Variants in RNF40 observed in about 807,000 individuals in gnomAD.
The protein encoded by RNF40 is E3 ubiquitin-protein ligase BRE1B.
A neutral mutation model predicts 123.3 loss-of-function variants in RNF40; 39 were observed. The observed-to-expected ratio is 0.32, with a 90% CI of 0.24 to 0.41. RNF40 has a LOEUF of 0.41. Ranked by LOEUF, RNF40 falls within the 10% of genes least tolerant of loss-of-function variation. The pLI is 1.00. For synonymous variants in RNF40, 538 were observed against 526.0 expected (o/e 1.02, Z -0.31); for missense variants, 1,003 against 1,319.9 (o/e 0.76, Z 3.72).
At chr16:30,769,831 C>T (rs2054114976) in intron 17 of RNF40, among the ~76,000 whole-genome samples, 1 of 152,208 alleles carries the variant, frequency 6.6e-6, no homozygotes, top group Non-Finnish European at 1.5e-5. Flanking sequence ...GGCGTGGTGG[C>T]TCACGTCTGT....
At position 30,766,895 on chromosome 16, in the gene RNF40, G is replaced by A; in HGVS notation, c.1429+19G>A. On this transcript the variant is annotated intron_variant, in intron 11 of 19. Coordinates refer to ENST00000324685, the MANE Select transcript of RNF40 (RefSeq NM_014771.4). This position sits in a 1 kb window ranked among gnomAD's most constrained non-coding sequence, Gnocchi z 5.4. The stretch of plus-strand genomic sequence containing the variant: ...CAGGCGGGTATGTGGTGAGGATAGG[G>A]CGGAGGTGGGGCCTTATCTGGGAGT... 1 of 1,610,128 alleles carries A rather than the reference G, an allele frequency of 6.2e-7. No homozygotes were observed. Among genetic ancestry groups the A allele is most frequent in the Non-Finnish European group, 8.5e-7 (1 of 1,178,452 alleles).
At chr16:30,761,698 C>T, upstream of RNF40, 1 of 1,534,996 alleles carries the variant, frequency 6.5e-7, no homozygotes, top group Non-Finnish European at 8.7e-7. Context: ...GATGTTCAAG[C>T]TCCGACTGCA....
At chr16:30,769,130 C>A in intron 15 of RNF40, 56 bp from the exon 16 acceptor site, 1 of 1,600,920 alleles carries the variant, frequency 6.2e-7, no homozygotes, top group Non-Finnish European at 8.6e-7. Context: ...ATGGTTCCCC[C>A]ACAGCCATCC....
In RNF40 at chr16:30,771,494, A is replaced by G. The variant is rs529366277; in HGVS notation, c.2587-339A>G. Reference sequence around the variant, plus strand: ...TAGCTGGGTGTGGTGGTGGGCGCCTATAGTCCCAGCTACTCGGGAGGCTGA... The same window carrying G: ...TAGCTGGGTGTGGTGGTGGGCGCCTGTAGTCCCAGCTACTCGGGAGGCTGA... On this transcript the variant is annotated intron_variant, in intron 17 of 19. Coordinates refer to ENST00000324685, the MANE Select transcript of RNF40 (RefSeq NM_014771.4). Among the ~76,000 whole-genome samples the G allele has an allele frequency of 1.3e-4, 20 of 152,056 alleles. No individual in the cohort carries two copies. In the East Asian group the frequency reaches 3.7e-3, roughly 28 times the overall value.
chr16:30,767,022 C>T (rs2054046294), intron 11 of RNF40, 146 bp downstream of exon 11: 2 of 1,101,446 alleles, frequency 1.8e-6, no homozygotes, highest in Non-Finnish European at 2.5e-6. Flanking sequence ...GCCTGCACTG[C>T]TTGGCTCCCA....
At position 30,764,918 on chromosome 16, in the gene RNF40, C is replaced by A. The variant is rs1451521509; in HGVS notation, c.650-20C>A. 2 of 1,608,498 alleles carry A rather than the reference C, an allele frequency of 1.2e-6. No homozygotes were observed. Among genetic ancestry groups the A allele is most frequent in the East Asian group, 2.2e-5 (1 of 44,796 alleles). ...CCCATTGCCCTGAGCTGGGCTCTTA[C>A]CTGGGCCCTGCCTTCCCAGGGGACA... On this transcript the variant is annotated intron_variant, in intron 5 of 19. Transcript: ENST00000324685.
In RNF40 at chr16:30,774,458, T is replaced by A; in HGVS notation, c.*344T>A. On this transcript the variant is annotated 3_prime_UTR_variant, in exon 20 of 20. Coordinates refer to ENST00000324685, the MANE Select transcript of RNF40 (RefSeq NM_014771.4). ...GATGCATCCTAACCCTAAGGAAAAT[T>A]CCCCAGGCTGTGATCTACCCTAGAG... 4.1e-6 allele frequency: 1 copy of A among 245,758 alleles called. No individual in the cohort carries two copies. Among genetic ancestry groups the A allele is most frequent in the South Asian group, 8.0e-5 (1 of 12,450 alleles). 15.2% of individuals were successfully genotyped at this position (245,758 alleles called of 1,614,324 possible).
intron 4 of RNF40, among the ~76,000 whole-genome samples, chr16:30,763,917 A>C: frequency 6.6e-6 from 1 of 152,210 alleles, no homozygotes; most frequent in Non-Finnish European, 1.5e-5. Context: ...TTGTGTGTGC[A>C]TGCATGTGCG....
intron 17 of RNF40, among the ~76,000 whole-genome samples, chr16:30,771,353 C>T (rs545715302): frequency 1.3e-5 from 2 of 152,038 alleles, no homozygotes; most frequent in Non-Finnish European, 2.9e-5. Context: ...CGTGGTGGCT[C>T]ACGACTGTAA....
At position 30,774,015 on chromosome 16, in the gene RNF40, C is replaced by T. The variant is rs755209737; in HGVS notation, c.2907C>T (p.Phe969=). ...CCAAGTGCTTCCACGTTTTCTGCTT[C>T]GAGTGCGTGCGGGGCCGCTATGAGG... ...VLTKCFHVFC[F]ECVRGRYEAR... The change falls in exon 20 of 20, where the codon TTC becomes TTT. Residue 969 remains phenylalanine (F), a synonymous_variant. Coordinates refer to ENST00000324685, the MANE Select transcript of RNF40 (RefSeq NM_014771.4). The T allele has an allele frequency of 6.8e-6, 11 of 1,614,118 alleles. No homozygotes were observed. Among genetic ancestry groups the T allele is most frequent in the African/African-American group, 2.7e-5 (2 of 75,066 alleles).
At chr16:30,762,275 G>T (rs571242384), upstream of RNF40, 94 of 444,138 alleles carry the variant, frequency 2.1e-4, no homozygotes, top group East Asian at 3.2e-3. Flanking sequence ...CCTGCGCACC[G>T]TTGGGGGGGG....
At position 30,766,270 on chromosome 16, in the gene RNF40, T is replaced by A. The variant is rs1292206006; in HGVS notation, c.1101T>A (p.Asn367Lys). Residue 367 changes from asparagine to lysine, a missense_variant, in exon 9 of 20, where the codon AAT becomes AAA. Around this residue, in one of 11 missense-constraint regions of RNF40, gnomAD observed 274 missense variants for 356.9 expected, o/e 0.77. Coordinates refer to ENST00000324685, the MANE Select transcript of RNF40 (RefSeq NM_014771.4). This position sits in a 1 kb window ranked among gnomAD's most constrained non-coding sequence, Gnocchi z 5.4. ...AACTTCAGGGGGCTGTGCGGACCAA[T>A]GAGCGCCTCAAGGTGGGCTGCTGTA... ...QAELQGAVRT[N>K]ERLKVALRSL... 2.5e-6 allele frequency: 4 copies of A among 1,613,968 alleles called. No homozygotes were observed. Among genetic ancestry groups the A allele is most frequent in the Admixed American group, 3.3e-5 (2 of 59,996 alleles).
In RNF40 at chr16:30,765,458, T is replaced by A; in HGVS notation, c.952T>A (p.Ser318Thr). The A allele has an allele frequency of 6.2e-7, 1 of 1,614,156 alleles. No homozygotes were observed. The highest frequency in any genetic ancestry group is 8.5e-7 in the Non-Finnish European group (1 of 1,180,024). The change falls in exon 8 of 20, where the codon TCA becomes ACA. Residue 318 changes from serine (S) to threonine (T), a missense_variant. By Grantham distance (58) the Ser-to-Thr change is moderately conservative. This residue lies in a region of RNF40 where 274 missense variants were observed against 356.9 expected (regional missense o/e 0.77). Transcript: ENST00000324685. The part of the protein sequence containing the change: ...NSGYYVSGSS[S>T]GFQGGQITLS... Reference sequence around the variant, plus strand: ...TGGCTACTATGTATCTGGGAGCTCCTCAGGCTTCCAGGGGGGCCAGATCAC... The same window carrying A: ...TGGCTACTATGTATCTGGGAGCTCCACAGGCTTCCAGGGGGGCCAGATCAC...
chr16:30,763,346 C>T, intron 3 of RNF40, 61 bp downstream of exon 3: 3 of 1,608,610 alleles, frequency 1.9e-6, no homozygotes, highest in South Asian at 1.1e-5. Context: ...CCAGATTCCC[C>T]TGCTAGGAAA....
chr16:30,770,389 G>T (rs1022836354), intron 17 of RNF40, among the ~76,000 whole-genome samples: 108 of 152,014 alleles, frequency 7.1e-4, no homozygotes, highest in African/African-American at 2.5e-3. Context: ...GGGTTACAGC[G>T]TGAGCCACTG....
chr16:30,774,110 G>T lies in RNF40; in HGVS notation c.3002G>T (p.Ser1001Ile). 1.2e-6 allele frequency: 2 copies of T among 1,611,928 alleles called. No individual in the cohort carries two copies. The highest frequency in any genetic ancestry group is 1.7e-6 in the Non-Finnish European group (2 of 1,178,400). The change falls in exon 20 of 20, where the codon AGC becomes ATC. Residue 1001 changes from serine to isoleucine, a missense_variant. Around this residue, in one of 11 missense-constraint regions of RNF40, gnomAD observed 76 missense variants for 134.1 expected, o/e 0.57. Transcript: ENST00000324685. ...GAHDFHRIYI[S>I] is the part of the protein sequence containing the mutation. Reference sequence around the variant, plus strand: ...CACGACTTCCATCGTATCTACATCAGCTGAACCTGAAACTCAGGGGACTCT... The same window carrying T: ...CACGACTTCCATCGTATCTACATCATCTGAACCTGAAACTCAGGGGACTCT...
chr16:30,767,191 C>T (rs1041629684), intron 11 of RNF40, among the ~76,000 whole-genome samples: 11 of 152,220 alleles, frequency 7.2e-5, no homozygotes, highest in Non-Finnish European at 1.0e-4. Context: ...GAGCCAGGCT[C>T]TGTTCTAGGG....
chr16:30,770,137 T>C (rs1043410209), intron 17 of RNF40, among the ~76,000 whole-genome samples: 8 of 150,820 alleles, frequency 5.3e-5, no homozygotes, highest in Non-Finnish European at 1.5e-5. Context: ...GTTGGAGTCT[T>C]GTTCTGTCGC....
chr16:30,767,527 AGGTGT>A (rs1461587517), intron 11 of RNF40: 5 of 185,964 alleles, frequency 2.7e-5, no homozygotes, highest in Non-Finnish European at 5.7e-5. Context: ...AACCTAGGCC[AGGTGT>A]GGTGATTCAT....
Sources: allele counts gnomAD v4.1 joint callset (sites outside exome capture counted in the v4.1 genomes callset), GRCh38; gene constraint gnomAD v4.1.1; regional missense constraint gnomAD v4.1.1; non-coding constraint Gnocchi (gnomAD v3.1); transcripts MANE v1.5; gene names NCBI Gene and HGNC (gene_info 2026-07-23, HGNC 2026-07-21).